RTL4: variants seen among roughly 807,000 people sequenced by gnomAD.
The protein encoded by RTL4 is retrotransposon Gag like 4, also known as retrotransposon Gag-like protein 4.
Under a neutral mutation model 5.3 loss-of-function variants are expected in RTL4, and 4 were observed. The ratio of observed to expected loss-of-function variants is 0.75; its 90% CI spans 0.37 to 1.72. RTL4 has a LOEUF of 1.72. Ranked by LOEUF, RTL4 falls within the 40% of genes most tolerant of loss-of-function variation. RTL4 has a pLI of 0.04. For synonymous variants in RTL4, 98 were observed against 87.3 expected (o/e 1.12, Z -0.68); for missense variants, 260 against 227.1 (o/e 1.14, Z -0.93).
chrX:112,446,391 T>C, the RTL4 span, among the ~76,000 whole-genome samples: 1 of 112,007 alleles, frequency 8.9e-6, no homozygotes, highest in African/African-American at 3.2e-5. Flanking sequence ...TGTTTCTCAC[T>C]ATTCTGGCTA....
chrX:112,403,248 G>A, the RTL4 span, among the ~76,000 whole-genome samples: 3 of 111,889 alleles, frequency 2.7e-5, no homozygotes, highest in Admixed American at 2.8e-4. Flanking sequence ...TTAGTAAACA[G>A]ACTATAATCC....
chrX:112,340,810 A>T, the RTL4 span, among the ~76,000 whole-genome samples: 2 of 110,889 alleles, frequency 1.8e-5, no homozygotes, highest in Non-Finnish European at 3.8e-5. Context: ...TCTGCCTCCC[A>T]GGTTCAAGTG....
the RTL4 span, among the ~76,000 whole-genome samples, chrX:112,360,410 T>A: frequency 9.0e-6 from 1 of 111,339 alleles, no homozygotes; most frequent in Non-Finnish European, 1.9e-5. Context: ...TATAAGAGAA[T>A]AGAACACAAA....
the RTL4 span, among the ~76,000 whole-genome samples, chrX:112,164,267 G>T: frequency 9.0e-6 from 1 of 111,243 alleles, no homozygotes; most frequent in East Asian, 2.8e-4. Context: ...CCTTCCCACA[G>T]GTATCCCAGC....
the RTL4 span, among the ~76,000 whole-genome samples, chrX:112,244,625 T>G: frequency 8.9e-6 from 1 of 111,800 alleles, no homozygotes; most frequent in Non-Finnish European, 1.9e-5. Context: ...TATAGCACAC[T>G]GATGGGTCTT....
the RTL4 span, among the ~76,000 whole-genome samples, chrX:112,164,579 T>C: frequency 8.9e-6 from 1 of 112,490 alleles, no homozygotes; most frequent in Non-Finnish European, 1.9e-5. Context: ...GGCATGCCAC[T>C]GTGGTAGTGC....
At chrX:112,116,813 C>A in the RTL4 span, among the ~76,000 whole-genome samples, 2 of 111,571 alleles carry the variant, frequency 1.8e-5, no homozygotes, top group African/African-American at 6.5e-5. Flanking sequence ...CAGCATATTG[C>A]CTGTAGAACA....
chrX:112,319,206 A>G, the RTL4 span, among the ~76,000 whole-genome samples: 1 of 112,053 alleles, frequency 8.9e-6, no homozygotes, highest in African/African-American at 3.2e-5. Flanking sequence ...ATGAATGGTG[A>G]GGAATAGTGA....
At chrX:112,100,239 G>T in the RTL4 span, among the ~76,000 whole-genome samples, 2 of 112,146 alleles carry the variant, frequency 1.8e-5, no homozygotes, top group Middle Eastern at 4.6e-3. Flanking sequence ...TCAGTGCAGT[G>T]GTGGGAGCAG....
At chrX:112,356,337 C>T in the RTL4 span, among the ~76,000 whole-genome samples, 1 of 111,145 alleles carries the variant, frequency 9.0e-6, no homozygotes, top group Non-Finnish European at 1.9e-5. Flanking sequence ...TTCGTCTAGT[C>T]CAGATTGATT....
the RTL4 span, among the ~76,000 whole-genome samples, chrX:112,140,413 G>C: frequency 8.9e-6 from 1 of 111,970 alleles, no homozygotes. Flanking sequence ...ATATGTCTTA[G>C]TCCATTTGTG....
chrX:112,170,152 G>T, the RTL4 span, among the ~76,000 whole-genome samples: 90 of 111,740 alleles, frequency 8.1e-4, no homozygotes, highest in Non-Finnish European at 1.5e-4. Context: ...TGCTGTTTTG[G>T]TTCCTGTAGC....
the RTL4 span, among the ~76,000 whole-genome samples, chrX:112,083,823 C>A: frequency 9.0e-6 from 1 of 111,313 alleles, no homozygotes; most frequent in Non-Finnish European, 1.9e-5. Flanking sequence ...AATAGCCCCA[C>A]CCCCACCACA....
chrX:112,373,685 AAT>A, the RTL4 span, among the ~76,000 whole-genome samples: 34 of 104,625 alleles, frequency 3.2e-4, no homozygotes, highest in East Asian at 8.8e-4. Context: ...TGAATTTTGA[AAT>A]ATATATATAT....
At chrX:112,182,289 C>T in the RTL4 span, among the ~76,000 whole-genome samples, 2 of 111,706 alleles carry the variant, frequency 1.8e-5, no homozygotes, top group Non-Finnish European at 3.8e-5. Flanking sequence ...TCCAAAGGAT[C>T]ATAACTCCTT....
chrX:112,110,001 A>G, the RTL4 span, among the ~76,000 whole-genome samples: 2 of 112,040 alleles, frequency 1.8e-5, no homozygotes, highest in African/African-American at 6.5e-5. Context: ...TGGAGGAAAC[A>G]GATTTGACAA....
the RTL4 span, among the ~76,000 whole-genome samples, chrX:112,374,324 G>A: frequency 1.8e-5 from 2 of 111,013 alleles, no homozygotes; most frequent in Admixed American, 9.7e-5. Flanking sequence ...CCAATAGTGT[G>A]GATACTCTCT....
At chrX:112,162,836 C>T in the RTL4 span, among the ~76,000 whole-genome samples, 3 of 111,159 alleles carry the variant, frequency 2.7e-5, no homozygotes, top group African/African-American at 9.8e-5. Flanking sequence ...CCGGAGGATC[C>T]TAAGGCGGGT....
At chrX:112,439,554 A>G in the RTL4 span, among the ~76,000 whole-genome samples, 11 of 111,944 alleles carry the variant, frequency 9.8e-5, no homozygotes, top group African/African-American at 3.6e-4. Flanking sequence ...TGATTTTTGT[A>G]AAGAAAAATC....
Sources: allele counts gnomAD v4.1 joint callset (sites outside exome capture counted in the v4.1 genomes callset), GRCh38; gene constraint gnomAD v4.1.1; transcripts MANE v1.5; gene names NCBI Gene and HGNC (gene_info 2026-07-23, HGNC 2026-07-21).